The following HCN1 variants were observed in gnomAD, a reference collection of about 807,000 sequenced individuals.
HCN1 encodes the protein potassium/sodium hyperpolarization-activated cyclic nucleotide-gated channel 1.
Under a neutral mutation model 78.9 loss-of-function variants are expected in HCN1, and 13 were observed. The observed-to-expected ratio is 0.16, with a 90% confidence interval of 0.11 to 0.26. The LOEUF is 0.26. HCN1 is among the 10% of genes least tolerant of loss of function. The pLI, the probability that HCN1 is intolerant of heterozygous loss-of-function variation, is 1.00. For synonymous variants in HCN1, 552 were observed against 455.5 expected (o/e 1.21, Z -2.70); for missense variants, 810 against 1,154.3 (o/e 0.70, Z 4.32).
chr5:45,349,529 A>G (rs1055192244), intron 5 of HCN1, among the ~76,000 whole-genome samples: 2 of 152,234 alleles, frequency 1.3e-5, no homozygotes, highest in Non-Finnish European at 2.9e-5. Context: ...AAATCAGAGC[A>G]GAACTGAAGG....
Position 45,534,404 on chromosome 5 carries a change from CAAAAAAAAAAAAAAAAAAAAAA to C in HCN1, c.850-72419_850-72398del, listed in dbSNP as rs71000637. Among the ~76,000 whole-genome samples the C allele has an allele frequency of 3.5e-3, 103 of 29,322 alleles. 1 individual carries two copies. Among genetic ancestry groups the C allele is most frequent in the African/African-American group, 0.013 (79 of 5,894 alleles). The allele number at this position is 29,322 out of a possible 152,430, so 19.2% of individuals were successfully genotyped here. A position where few individuals can be genotyped will look rare whatever the true frequency, so the allele number is the denominator to read the frequency against. On this transcript the variant is annotated intron_variant, in intron 2 of 7. Transcript: ENST00000303230. ...TGGGCAACAGAGTGAGACTGCATCT[CAAAAAAAAAAAAAAAAAAAAAA>C]AAAAAAAAAAAAAAAAAAATTAATA...
chr5:45,356,604 C>T (rs976611707), intron 4 of HCN1, among the ~76,000 whole-genome samples: 3 of 151,956 alleles, frequency 2.0e-5, no homozygotes, highest in African/African-American at 7.2e-5. Flanking sequence ...TTGCCACTTA[C>T]AGTACCCCAA....
At chr5:45,645,709 A>G (rs1241927768) in intron 1 of HCN1, 101 bp from the exon 2 acceptor site, 2 of 631,046 alleles carry the variant, frequency 3.2e-6, no homozygotes, top group African/African-American at 3.7e-5. Context: ...CAATAAGTAA[A>G]AGAACAAAGA....
Position 45,352,952 on chromosome 5 carries a change from T to C in HCN1, c.1377+148A>G, listed in dbSNP as rs900325369. 5.5e-5 allele frequency: 35 copies of C among 641,260 alleles called. 1 individual carries two copies. In the East Asian group the frequency reaches 6.9e-4, roughly 13 times the overall value. 39.7% of individuals were successfully genotyped at this position (641,260 alleles called of 1,614,324 possible). ...ACTTTTTTCAACATTTAAGAGCTTA[T>C]GTAGGTGAGAAGCTAAAGAAGATAA... On this transcript the variant is annotated intron_variant, in intron 5 of 7. Coordinates refer to ENST00000303230, the MANE Select transcript of HCN1 (RefSeq NM_021072.4).
chr5:45,301,362 A>G (rs955476093), intron 6 of HCN1, among the ~76,000 whole-genome samples: 2 of 151,492 alleles, frequency 1.3e-5, no homozygotes, highest in Non-Finnish European at 2.9e-5. Flanking sequence ...AATATAATAA[A>G]TTATAATAAC....
At chr5:45,497,380 G>A (rs887915290) in intron 2 of HCN1, among the ~76,000 whole-genome samples, 1 of 152,174 alleles carries the variant, frequency 6.6e-6, no homozygotes, top group Admixed American at 6.5e-5. Flanking sequence ...ATGAATCTGG[G>A]TGCTCCTGTA....
Position 45,262,788 on chromosome 5 carries a change from C to A in HCN1, c.1806G>T (p.Leu602=). 1 of 1,613,946 alleles carries A rather than the reference C, an allele frequency of 6.2e-7. No individual in the cohort carries two copies. Among genetic ancestry groups the A allele is most frequent in the South Asian group, 1.1e-5 (1 of 91,066 alleles). Residue 602 remains leucine, a synonymous_variant, in exon 8 of 8, where the codon CTG becomes CTT. Coordinates refer to ENST00000303230, the MANE Select transcript of HCN1 (RefSeq NM_021072.4). ...TGTTCAGATCCTTCTGGAACTTTTG[C>A]AGAAGAATTGAATTTTTCTTTCCTG... ...DRIGKKNSIL[L]QKFQKDLNTG...
intron 1 of HCN1, among the ~76,000 whole-genome samples, chr5:45,653,762 G>T (rs911658520): frequency 2.0e-5 from 3 of 152,004 alleles, no homozygotes; most frequent in Non-Finnish European, 4.4e-5. Flanking sequence ...ACACTCTGGG[G>T]ACTATTGTGG....
At chr5:45,433,080 C>G (rs866073226) in intron 3 of HCN1, among the ~76,000 whole-genome samples, 1 of 152,040 alleles carries the variant, frequency 6.6e-6, no homozygotes, top group Non-Finnish European at 1.5e-5. Context: ...CCCACCAGGT[C>G]CCTCCCATGA....
intron 2 of HCN1, among the ~76,000 whole-genome samples, chr5:45,520,105 C>T (rs942521251): frequency 1.3e-5 from 2 of 151,918 alleles, no homozygotes; most frequent in African/African-American, 4.8e-5. Flanking sequence ...ATAAGCAGTT[C>T]ACATATGTGT....
At chr5:45,334,188 T>G (rs1004988555) in intron 5 of HCN1, among the ~76,000 whole-genome samples, 1 of 151,896 alleles carries the variant, frequency 6.6e-6, no homozygotes, top group Non-Finnish European at 1.5e-5. Context: ...ACTTAAGCCA[T>G]TGTAGAAGAA....
intron 2 of HCN1, among the ~76,000 whole-genome samples, chr5:45,599,546 G>C (rs1376523066): frequency 6.6e-6 from 1 of 151,850 alleles, no homozygotes; most frequent in African/African-American, 2.4e-5. Context: ...AATTTAAAAA[G>C]ATAAAGTCAC....
chr5:45,609,999 G>A (rs918191662), intron 2 of HCN1, among the ~76,000 whole-genome samples: 4 of 152,130 alleles, frequency 2.6e-5, no homozygotes, highest in Non-Finnish European at 5.9e-5. Context: ...ATCAAGAAGC[G>A]TCTTGTGTAT....
At chr5:45,528,067 C>T (rs1742776010) in intron 2 of HCN1, among the ~76,000 whole-genome samples, 1 of 151,740 alleles carries the variant, frequency 6.6e-6, no homozygotes, top group South Asian at 2.1e-4. Flanking sequence ...ACTCTGGTGT[C>T]TTAATCTTGT....
At chr5:45,661,245 T>A (rs1363446981) in intron 1 of HCN1, among the ~76,000 whole-genome samples, 138 of 91,568 alleles carry the variant, frequency 1.5e-3, no homozygotes, top group African/African-American at 5.7e-3. Flanking sequence ...AAAGATGTTC[T>A]TTGAAACCAA....
intron 6 of HCN1, among the ~76,000 whole-genome samples, chr5:45,300,514 A>G (rs1233801626): frequency 6.6e-6 from 1 of 152,078 alleles, no homozygotes; most frequent in Non-Finnish European, 1.5e-5. Context: ...ATTAATTTTT[A>G]AATATTTTAT....
intron 2 of HCN1, among the ~76,000 whole-genome samples, chr5:45,603,036 G>C: frequency 1.3e-5 from 2 of 152,058 alleles, no homozygotes; most frequent in South Asian, 4.1e-4. Context: ...AAACATGGTT[G>C]AATATCTTTC....
chr5:45,416,417 G>A (rs1462717772), intron 3 of HCN1, among the ~76,000 whole-genome samples: 5 of 151,746 alleles, frequency 3.3e-5, no homozygotes, highest in African/African-American at 1.2e-4. Context: ...ATTTTTCTGA[G>A]GAAACAAATA....
At chr5:45,685,046 A>C (rs377118435) in intron 1 of HCN1, among the ~76,000 whole-genome samples, 1 of 152,204 alleles carries the variant, frequency 6.6e-6, no homozygotes. Flanking sequence ...TGATATCACA[A>C]AGATTTCTTT....
Sources: gnomAD v4.1 joint callset for allele counts (sites outside exome capture counted in the v4.1 genomes callset) on GRCh38, gnomAD v4.1.1 for gene constraint, MANE v1.5 for transcripts, NCBI Gene and HGNC (gene_info 2026-07-23, HGNC 2026-07-21) for gene names.